The following CACNB2 variants were observed in gnomAD, a reference collection of about 807,000 sequenced individuals.
The protein encoded by CACNB2 is voltage-dependent L-type calcium channel subunit beta-2.
In CACNB2, 42 loss-of-function variants were observed where a neutral mutation model predicts 73.3. That is an observed-to-expected ratio of 0.57 (90% CI 0.45 to 0.74). The LOEUF is 0.74. Among genes scored for constraint, CACNB2 ranks in the 30% least tolerant of loss-of-function variants. CACNB2 has a pLI of 0.00. For missense variants in CACNB2, 940 were observed against 853.0 expected, an observed-to-expected ratio of 1.10 and a Z score of -1.27; for synonymous variants, 348 against 310.3, an observed-to-expected ratio of 1.12 and a Z score of -1.28.
At chr10:18,281,758 C>T (rs1031478746) in intron 2 of CACNB2, among the ~76,000 whole-genome samples, 4 of 152,004 alleles carry the variant, frequency 2.6e-5, no homozygotes, top group African/African-American at 9.7e-5. Flanking sequence ...GCAGGTGGAT[C>T]ACCTGAGGTC....
intron 3 of CACNB2, among the ~76,000 whole-genome samples, chr10:18,492,385 C>G (rs1426464593): frequency 6.6e-6 from 1 of 152,132 alleles, no homozygotes; most frequent in East Asian, 1.9e-4. Context: ...CTTCGGGAAG[C>G]CGAGGCAAGC....
At position 18,219,414 on chromosome 10, in the gene CACNB2, C is replaced by A. The variant is rs199968123; in HGVS notation, c.213+68439C>A. Among the ~76,000 whole-genome samples, 14 of 152,268 alleles carry A rather than the reference C, an allele frequency of 9.2e-5. No homozygotes were observed. In the East Asian group the frequency reaches 2.7e-3, roughly 29 times the overall value. On this transcript the variant is annotated intron_variant, in intron 2 of 13. Coordinates refer to ENST00000324631, the MANE Select transcript of CACNB2 (RefSeq NM_201596.3). ...GCTGCTGGCAAAGACATTTGACCTT[C>A]TGAGAAAAGTCAGCCTCCAAAGACT...
At chr10:18,216,841 G>T (rs2035532369) in intron 2 of CACNB2, among the ~76,000 whole-genome samples, 1 of 152,154 alleles carries the variant, frequency 6.6e-6, no homozygotes, top group South Asian at 2.1e-4. Flanking sequence ...AATACATTGA[G>T]TTATACATTT....
chr10:18,383,190 ATATT>A (rs1465160757), intron 2 of CACNB2, among the ~76,000 whole-genome samples: 1 of 152,266 alleles, frequency 6.6e-6, no homozygotes, highest in Non-Finnish European at 1.5e-5. Context: ...TTAGCTACAA[ATATT>A]TATTCTGGTA....
intron 6 of CACNB2, among the ~76,000 whole-genome samples, chr10:18,508,598 T>C (rs2050609729): frequency 6.6e-6 from 1 of 152,202 alleles, no homozygotes; most frequent in Non-Finnish European, 1.5e-5. Flanking sequence ...AGAAAAATTC[T>C]TCCATTCCCT....
intron 3 of CACNB2, among the ~76,000 whole-genome samples, chr10:18,488,954 G>A (rs903706576): frequency 6.6e-6 from 1 of 152,118 alleles, no homozygotes; most frequent in Admixed American, 6.5e-5. Context: ...AAGGCGGGTA[G>A]ATCACCTGAG....
intron 2 of CACNB2, among the ~76,000 whole-genome samples, chr10:18,363,248 A>G (rs902175609): frequency 4.6e-5 from 7 of 152,206 alleles, no homozygotes; most frequent in African/African-American, 1.7e-4. Context: ...TTTCAAAAGT[A>G]TTAGCCTGGC....
chr10:18,485,577 T>C (rs1229978260), intron 3 of CACNB2, among the ~76,000 whole-genome samples: 4 of 140,800 alleles, frequency 2.8e-5, no homozygotes, highest in Non-Finnish European at 4.6e-5. Flanking sequence ...TTTTTTTTTT[T>C]CTGAGATGGA....
At chr10:18,144,820 A>C (rs556679299) in intron 1 of CACNB2, among the ~76,000 whole-genome samples, 1 of 152,192 alleles carries the variant, frequency 6.6e-6, no homozygotes, top group South Asian at 2.1e-4. Context: ...TTACCTTTTT[A>C]ATGTGGCTGC....
In CACNB2 at chr10:18,377,256, A is replaced by T. The variant is rs116623312; in HGVS notation, c.214-24668A>T. Reference sequence around the variant, plus strand: ...CTACATAGATGGCTTCTAAAGTTAAACTCCTCCATTACGTTTATAGAAAGA... The same window carrying T: ...CTACATAGATGGCTTCTAAAGTTAATCTCCTCCATTACGTTTATAGAAAGA... On this transcript the variant is annotated intron_variant, in intron 2 of 13. Transcript: ENST00000324631. 7.1e-3 allele frequency among the ~76,000 whole-genome samples: 1,087 copies of T among 152,232 alleles called. 15 individuals are homozygous for T. The highest frequency in any genetic ancestry group is 0.025 in the African/African-American group (1,049 of 41,526).
At chr10:18,446,506 A>G (rs568104381) in intron 3 of CACNB2, among the ~76,000 whole-genome samples, 9 of 152,316 alleles carry the variant, frequency 5.9e-5, no homozygotes, top group African/African-American at 2.2e-4. Flanking sequence ...AAAAGAATCA[A>G]TGAGGCTGGA....
At chr10:18,226,275 C>T (rs893212177) in intron 2 of CACNB2, among the ~76,000 whole-genome samples, 6 of 152,166 alleles carry the variant, frequency 3.9e-5, no homozygotes, top group African/African-American at 9.7e-5. Flanking sequence ...GATCCATTCA[C>T]CTCAGCCTCC....
rs2053587888 is a variant in CACNB2 at position 18,536,275 on chromosome 10, G to GTTTTTTTTTTTTTTTTTTTT, written c.1302+79_1302+80insTTTTTTTTTTTTTTTTTTTT. On this transcript the variant is annotated intron_variant, in intron 12 of 13. Transcript: ENST00000324631. ...TTTTTTTTTTTTTTTTTTTTTTTTG[G>GTTTTTTTTTTTTTTTTTTTT]GGGACAAGGTCTTGCTCTGTTGCCC... 88 of 92,510 alleles carry GTTTTTTTTTTTTTTTTTTTT rather than the reference G, an allele frequency of 9.5e-4. 20 individuals carry two copies. Among genetic ancestry groups the GTTTTTTTTTTTTTTTTTTTT allele is most frequent in the Middle Eastern group, 5.0e-3 (2 of 402 alleles). The allele number at this position is 92,510 out of a possible 1,614,324, so 5.7% of individuals were successfully genotyped here. A position where few individuals can be genotyped will look rare whatever the true frequency, so the allele number is the denominator to read the frequency against.
chr10:18,220,224 TATATATATAGAG>T (rs1188434902), intron 2 of CACNB2, among the ~76,000 whole-genome samples: 130 of 48,014 alleles, frequency 2.7e-3, no homozygotes, highest in African/African-American at 7.6e-3. Flanking sequence ...TATATATATA[TATATATATAGAG>T]AGAGAGAGAG....
intron 7 of CACNB2, among the ~76,000 whole-genome samples, chr10:18,517,691 T>C (rs1234007141): frequency 1.3e-5 from 2 of 152,188 alleles, no homozygotes; most frequent in African/African-American, 4.8e-5. Flanking sequence ...TTCAATAGCA[T>C]TAATCACTAA....
chr10:18,392,382 G>A (rs2043519070), intron 2 of CACNB2, among the ~76,000 whole-genome samples: 1 of 152,158 alleles, frequency 6.6e-6, no homozygotes, highest in Non-Finnish European at 1.5e-5. Context: ...GGAGTAAGAT[G>A]AGCACTGAGA....
At chr10:18,438,655 G>A (rs1351669466) in intron 3 of CACNB2, among the ~76,000 whole-genome samples, 1 of 152,266 alleles carries the variant, frequency 6.6e-6, no homozygotes, top group East Asian at 1.9e-4. Flanking sequence ...CTGGAAGCCT[G>A]TGCCCTCTGC....
chr10:18,535,193 A>G (rs1371742333), intron 11 of CACNB2, among the ~76,000 whole-genome samples: 1 of 152,224 alleles, frequency 6.6e-6, no homozygotes, highest in African/African-American at 2.4e-5. Context: ...ATGGAATGTC[A>G]TGGAGTAAGA....
At chr10:18,221,810 T>C (rs545693481) in intron 2 of CACNB2, among the ~76,000 whole-genome samples, 2 of 152,384 alleles carry the variant, frequency 1.3e-5, no homozygotes, top group African/African-American at 4.8e-5. Flanking sequence ...AGTATAGTTT[T>C]CTTTTTATCC....
Sources: gnomAD v4.1 joint callset for allele counts (sites outside exome capture counted in the v4.1 genomes callset) on GRCh38, gnomAD v4.1.1 for gene constraint, MANE v1.5 for transcripts, NCBI Gene and HGNC (gene_info 2026-07-23, HGNC 2026-07-21) for gene names.